MED27: variants seen among roughly 807,000 people sequenced by gnomAD.
MED27 encodes the protein mediator of RNA polymerase II transcription subunit 27.
MED27 carries 30 observed loss-of-function variants against 38.2 expected under a neutral mutation model. The ratio of observed to expected loss-of-function variants is 0.79; its 90% CI spans 0.59 to 1.07. The LOEUF is 1.07. Ranked by LOEUF, MED27 falls within the 50% of genes least tolerant of loss-of-function variation. MED27 has a pLI of 0.00. For synonymous variants in MED27, 122 were observed against 153.5 expected (o/e 0.79, Z 1.52); for missense variants, 289 against 397.5 (o/e 0.73, Z 2.32).
chr9:131,984,792 T>C (rs1215846637), intron 3 of MED27, among the ~76,000 whole-genome samples: 1 of 152,202 alleles, frequency 6.6e-6, no homozygotes, highest in East Asian at 1.9e-4. Flanking sequence ...CATTTATACA[T>C]TTATGCTGGT....
intron 4 of MED27, among the ~76,000 whole-genome samples, chr9:131,905,017 T>C (rs1247637374): frequency 6.6e-6 from 1 of 152,228 alleles, no homozygotes; most frequent in Non-Finnish European, 1.5e-5. Flanking sequence ...GAATAGAGAA[T>C]TGTGCTTCCC....
chr9:132,049,857 G>A (rs1310148077), intron 2 of MED27, among the ~76,000 whole-genome samples: 1 of 152,098 alleles, frequency 6.6e-6, no homozygotes, highest in Non-Finnish European at 1.5e-5. Flanking sequence ...AGAAATGGGG[G>A]AAATCCAAAG....
At chr9:131,985,534 C>T (rs1457052877) in intron 3 of MED27, among the ~76,000 whole-genome samples, 1 of 152,176 alleles carries the variant, frequency 6.6e-6, no homozygotes, top group Non-Finnish European at 1.5e-5. Flanking sequence ...CACAGCACAA[C>T]ACATTACTCA....
intron 4 of MED27, among the ~76,000 whole-genome samples, chr9:131,899,702 TG>T (rs1437895598): frequency 2.0e-5 from 3 of 152,228 alleles, no homozygotes; most frequent in Admixed American, 2.0e-4. Context: ...CTCCTGGCTC[TG>T]CCATCGAGAT....
At chr9:131,944,530 C>CTTTTTT (rs35269307) in intron 3 of MED27, among the ~76,000 whole-genome samples, 1 of 141,096 alleles carries the variant, frequency 7.1e-6, no homozygotes. Context: ...GGTTTTTAGT[C>CTTTTTT]TTTTTTTTTT....
chr9:131,970,881 A>T (rs1400226383), intron 3 of MED27, among the ~76,000 whole-genome samples: 7 of 152,270 alleles, frequency 4.6e-5, no homozygotes, highest in Non-Finnish European at 7.3e-5. Flanking sequence ...AACAAACTGT[A>T]AAAAGGCATT....
chr9:132,078,406 T>C (rs1204877922), intron 1 of MED27, among the ~76,000 whole-genome samples: 1 of 152,160 alleles, frequency 6.6e-6, no homozygotes, highest in Non-Finnish European at 1.5e-5. Context: ...TCCTGAACAT[T>C]ACAAAGGGAA....
Position 131,861,767 on chromosome 9 carries a change from CTTTT to C in MED27, c.802-1099_802-1096del, listed in dbSNP as rs66880335. 5.6e-3 allele frequency among the ~76,000 whole-genome samples: 815 copies of C among 145,194 alleles called. 3 individuals are homozygous for C. The highest frequency in any genetic ancestry group is 0.02 in the African/African-American group (767 of 38,132). ...AGTGCTGTGACAGATGTAAATGGTT[CTTTT>C]TTTTTTTTTTTTTTTTTATGAGACC... On this transcript the variant is annotated intron_variant, in intron 7 of 7. Transcript: ENST00000292035. This position sits in a 1 kb window ranked among gnomAD's most constrained non-coding sequence, Gnocchi z 4.4.
chr9:131,984,199 G>A (rs538609019), intron 3 of MED27, among the ~76,000 whole-genome samples: 1 of 152,204 alleles, frequency 6.6e-6, no homozygotes, highest in East Asian at 1.9e-4. Flanking sequence ...CCTCCCACAG[G>A]CCCAGCTCTC....
At position 131,939,492 on chromosome 9, in the gene MED27, A is replaced by C. The variant is rs767698769; in HGVS notation, c.480-18T>G. ...CAACATATCTACATGGGAAAAAAATAAACATGTGTGAACTACAACTCCAGT... is the reference window on the plus strand; with the variant it reads ...CAACATATCTACATGGGAAAAAAATCAACATGTGTGAACTACAACTCCAGT... On this transcript the variant is annotated intron_variant, in intron 3 of 7. Transcript: ENST00000292035. 1.3e-6 allele frequency: 2 copies of C among 1,554,680 alleles called. No individual in the cohort carries two copies. The highest frequency in any genetic ancestry group is 1.8e-5 in the Admixed American group (1 of 56,014).
chr9:131,949,337 T>C (rs1830944820), intron 3 of MED27, among the ~76,000 whole-genome samples: 2 of 152,146 alleles, frequency 1.3e-5, no homozygotes, highest in African/African-American at 4.8e-5. Flanking sequence ...GAGCAGGCAC[T>C]GTTTTCCAGT....
Position 131,881,800 on chromosome 9 carries a change from C to CTTTTT in MED27, c.723+2253_723+2257dup, listed in dbSNP as rs61624043. Among the ~76,000 whole-genome samples, 525 of 60,962 alleles carry CTTTTT rather than the reference C, an allele frequency of 8.6e-3. 72 individuals are homozygous for CTTTTT. The highest frequency in any genetic ancestry group is 0.015 in the Admixed American group (60 of 3,990). The allele number at this position is 60,962 out of a possible 152,430, so 40.0% of individuals were successfully genotyped here. On this transcript the variant is annotated intron_variant, in intron 6 of 7. Coordinates refer to ENST00000292035, the MANE Select transcript of MED27 (RefSeq NM_004269.4). Reference sequence around the variant, plus strand: ...CCTCCCTCCCTTCCTTCTTCTTCTTCTTTTTTTTTTTTTTTTTTTTTTTTG... The same window carrying CTTTTT: ...CCTCCCTCCCTTCCTTCTTCTTCTTCTTTTTTTTTTTTTTTTTTTTTTTTTTTTTG...
At chr9:131,864,840 C>A (rs1838710307) in intron 6 of MED27, among the ~76,000 whole-genome samples, 1 of 152,234 alleles carries the variant, frequency 6.6e-6, no homozygotes. Context: ...GACTGTACTG[C>A]ATACTGAGTA....
intron 3 of MED27, among the ~76,000 whole-genome samples, chr9:131,966,035 C>A (rs1455648259): frequency 6.7e-6 from 1 of 149,928 alleles, no homozygotes; most frequent in Non-Finnish European, 1.5e-5. Flanking sequence ...GAGAGGACTT[C>A]CACCTTGCAG....
chr9:131,954,331 G>A (rs191349683), intron 3 of MED27, among the ~76,000 whole-genome samples: 2 of 152,240 alleles, frequency 1.3e-5, no homozygotes, highest in Admixed American at 1.3e-4. Flanking sequence ...CTTTCCCACA[G>A]CCAGCAGCAT....
At chr9:132,037,725 G>A (rs922587470) in intron 2 of MED27, among the ~76,000 whole-genome samples, 3 of 152,148 alleles carry the variant, frequency 2.0e-5, no homozygotes, top group Admixed American at 2.0e-4. Context: ...TTGCAAAGAG[G>A]CTCTGGAAAC....
At chr9:132,053,312 T>A (rs1246795047) in intron 2 of MED27, among the ~76,000 whole-genome samples, 1 of 151,474 alleles carries the variant, frequency 6.6e-6, no homozygotes, top group African/African-American at 2.4e-5. Context: ...TTAGGCTGGC[T>A]GCTGAGAAAA....
intron 3 of MED27, among the ~76,000 whole-genome samples, chr9:131,943,927 T>G (rs1352731769): frequency 6.6e-6 from 1 of 152,228 alleles, no homozygotes; most frequent in South Asian, 2.1e-4. Flanking sequence ...AACTTCAGTA[T>G]GTTCGGATAG....
intron 4 of MED27, among the ~76,000 whole-genome samples, chr9:131,903,579 G>A (rs951433792): frequency 1.3e-5 from 2 of 152,148 alleles, no homozygotes; most frequent in Admixed American, 6.5e-5. Context: ...TGGGAAAGGC[G>A]GCCCACATGC....
Sources: gnomAD v4.1 joint callset for allele counts (sites outside exome capture counted in the v4.1 genomes callset) on GRCh38, gnomAD v4.1.1 for gene constraint, Gnocchi (gnomAD v3.1) non-coding constraint, MANE v1.5 for transcripts, NCBI Gene and HGNC (gene_info 2026-07-23, HGNC 2026-07-21) for gene names.